MPZL1: variants seen among roughly 807,000 people sequenced by gnomAD.
MPZL1 encodes myelin protein zero like 1, also known as myelin protein zero-like protein 1.
MPZL1 carries 16 observed loss-of-function variants against 29.3 expected under a neutral mutation model. That is an observed-to-expected ratio of 0.55 (90% CI 0.37 to 0.83). The LOEUF is 0.83. MPZL1 is among the 40% of genes least tolerant of loss of function. MPZL1 has a pLI of 0.00. For synonymous variants in MPZL1, 143 were observed against 132.0 expected (o/e 1.08, Z -0.57); for missense variants, 279 against 332.9 (o/e 0.84, Z 1.26).
At chr1:167,755,211 A>G (rs1482724503) in intron 1 of MPZL1, among the ~76,000 whole-genome samples, 2 of 152,092 alleles carry the variant, frequency 1.3e-5, no homozygotes, top group African/African-American at 4.8e-5. Context: ...TGTATTTTGG[A>G]GGAGAGGAAT....
intron 1 of MPZL1, 52 bp downstream of exon 1, chr1:167,722,294 C>G (rs1660047920): frequency 8.1e-7 from 1 of 1,232,612 alleles, no homozygotes; most frequent in Non-Finnish European, 1.0e-6. Flanking sequence ...CCCCCGGGCC[C>G]GACACACGCC....
At chr1:167,724,240 G>A (rs1185451712) in intron 1 of MPZL1, among the ~76,000 whole-genome samples, 1 of 152,228 alleles carries the variant, frequency 6.6e-6, no homozygotes, top group Admixed American at 6.5e-5. Flanking sequence ...GAATGAACCT[G>A]TTGGTAGTTC....
intron 1 of MPZL1, among the ~76,000 whole-genome samples, chr1:167,727,038 T>C (rs907825566): frequency 6.6e-6 from 1 of 152,242 alleles, no homozygotes; most frequent in East Asian, 1.9e-4. Flanking sequence ...TATGAAAATT[T>C]GCAGCAAATT....
intron 5 of MPZL1, among the ~76,000 whole-genome samples, chr1:167,780,649 AC>A (rs1661478844): frequency 6.6e-6 from 1 of 152,160 alleles, no homozygotes; most frequent in Non-Finnish European, 1.5e-5. Context: ...CCACAGAAAG[AC>A]ATACTATGTG....
At position 167,722,006 on chromosome 1, in the gene MPZL1, G is replaced by T; in HGVS notation, c.-146G>T. The T allele has an allele frequency of 8.7e-7, 1 of 1,153,904 alleles. No individual in the cohort carries two copies. The allele number at this position is 1,153,904 out of a possible 1,614,324, so 71.5% of individuals were successfully genotyped here. On this transcript the variant is annotated 5_prime_UTR_variant, in exon 1 of 6. Transcript: ENST00000359523. The stretch of plus-strand genomic sequence containing the variant: ...TGCAGAGCTGGAGAGCCGCGGCTGG[G>T]ACCGGAGTGGGGAGCGCGGCGTGGA...
chr1:167,769,484 C>G (rs555433001), intron 2 of MPZL1, among the ~76,000 whole-genome samples: 2 of 152,302 alleles, frequency 1.3e-5, no homozygotes, highest in African/African-American at 4.8e-5. Context: ...TGAGCCCCTC[C>G]ATGTCATGGC....
In MPZL1 at chr1:167,773,393, CA is replaced by C. The variant is rs773301353; in HGVS notation, c.605+26del. 6.2e-6 allele frequency: 10 copies of C among 1,604,062 alleles called. No individual in the cohort carries two copies. In the South Asian group the frequency reaches 9.0e-5, roughly 14 times the overall value. ...GGTAAGAAACACTGTTTTTTTAGGG[CA>C]GGGGTGGAGGGAGGGAATCAGGGTT... On this transcript the variant is annotated intron_variant, in intron 4 of 5. Transcript: ENST00000359523.
chr1:167,732,795 A>G (rs1488106122), intron 1 of MPZL1, among the ~76,000 whole-genome samples: 1 of 152,052 alleles, frequency 6.6e-6, no homozygotes, highest in Non-Finnish European at 1.5e-5. Flanking sequence ...TTTTGTAGAG[A>G]TGGGGTTTCG....
At chr1:167,782,004 T>A (rs1661506813) in intron 5 of MPZL1, among the ~76,000 whole-genome samples, 2 of 152,150 alleles carry the variant, frequency 1.3e-5, no homozygotes, top group South Asian at 4.1e-4. Flanking sequence ...TCTGATTATA[T>A]GTGTATTATA....
intron 1 of MPZL1, 29 bp downstream of exon 1, chr1:167,722,271 C>A: frequency 8.1e-7 from 1 of 1,235,848 alleles, no homozygotes. Flanking sequence ...AGGGCTGGGG[C>A]CGGGGAGTGG....
intron 1 of MPZL1, among the ~76,000 whole-genome samples, chr1:167,757,604 C>T (rs1427995467): frequency 1.3e-5 from 2 of 152,150 alleles, no homozygotes; most frequent in Non-Finnish European, 2.9e-5. Context: ...ATTTAGTGTT[C>T]TCTTTTGTTC....
At chr1:167,739,286 T>TATATATATATATATATATATACAC (rs1660458969) in intron 1 of MPZL1, among the ~76,000 whole-genome samples, 1 of 108,326 alleles carries the variant, frequency 9.2e-6, no homozygotes, top group Admixed American at 8.5e-5. Flanking sequence ...TATATACATA[T>TATATATATATATATATATATACAC]ATATATATAT....
Position 167,722,202 on chromosome 1 carries a change from G to C in MPZL1, c.51G>C (p.Arg17=). 8.1e-7 allele frequency: 1 copy of C among 1,239,000 alleles called. No individual in the cohort carries two copies. 76.8% of individuals were successfully genotyped at this position (1,239,000 alleles called of 1,614,324 possible). The change falls in exon 1 of 6, where the codon CGG becomes CGC. Residue 17 remains arginine (R), a synonymous_variant. Transcript: ENST00000359523. ...CGGTGATTGCAGCCCCAGACAGCCG[G>C]CGCTGGCTGTGGTCGGTGCTGGCGG... ...AGAVIAAPDS[R]RWLWSVLAAA... is the part of the protein sequence containing the mutation.
At chr1:167,784,220 A>T (rs1661547071) in intron 5 of MPZL1, among the ~76,000 whole-genome samples, 1 of 152,252 alleles carries the variant, frequency 6.6e-6, no homozygotes, top group Non-Finnish European at 1.5e-5. Flanking sequence ...TAACTAAAAT[A>T]ATAGGCCTAT....
At chr1:167,742,701 C>T (rs1660557615) in intron 1 of MPZL1, among the ~76,000 whole-genome samples, 1 of 152,126 alleles carries the variant, frequency 6.6e-6, no homozygotes, top group Admixed American at 6.6e-5. Flanking sequence ...GTCATGAAGT[C>T]TTTGCGTAAG....
intron 1 of MPZL1, among the ~76,000 whole-genome samples, chr1:167,761,675 T>G (rs1660990820): frequency 6.6e-6 from 1 of 152,128 alleles, no homozygotes; most frequent in Non-Finnish European, 1.5e-5. Context: ...GCAATGTGGG[T>G]GGATTGCTAG....
intron 1 of MPZL1, 158 bp from the exon 2 acceptor site, chr1:167,765,425 T>A: frequency 1.9e-6 from 1 of 519,756 alleles, no homozygotes; most frequent in Non-Finnish European, 3.3e-6. Context: ...CTATTCTGAT[T>A]GAACTTAGCT....
At chr1:167,725,615 AGCTGGGACTACAG>A in intron 1 of MPZL1, among the ~76,000 whole-genome samples, 1 of 152,246 alleles carries the variant, frequency 6.6e-6, no homozygotes, top group South Asian at 2.1e-4. Flanking sequence ...CCTCCCGAGT[AGCTGGGACTACAG>A]GCGCATGCCA....
At chr1:167,780,391 A>G (rs1196313084) in intron 5 of MPZL1, among the ~76,000 whole-genome samples, 1 of 152,234 alleles carries the variant, frequency 6.6e-6, no homozygotes, top group South Asian at 2.1e-4. Context: ...GGTTAAAAAT[A>G]TTAATACAAG....
Sources: gnomAD v4.1 joint callset for allele counts (sites outside exome capture counted in the v4.1 genomes callset) on GRCh38, gnomAD v4.1.1 for gene constraint, MANE v1.5 for transcripts, NCBI Gene and HGNC (gene_info 2026-07-23, HGNC 2026-07-21) for gene names.